PRMT9: variants seen among roughly 807,000 people sequenced by gnomAD.
PRMT9 encodes the protein protein arginine methyltransferase 9.
A neutral mutation model predicts 83.2 loss-of-function variants in PRMT9; 59 were observed. The ratio of observed to expected loss-of-function variants is 0.71; its 90% confidence interval spans 0.57 to 0.88. PRMT9 has a LOEUF of 0.88. Among genes scored for constraint, PRMT9 ranks in the 40% least tolerant of loss-of-function variants. The pLI, the probability that PRMT9 is intolerant of heterozygous loss-of-function variation, is 0.00. For missense variants in PRMT9, 947 were observed against 1,021.9 expected (o/e 0.93, Z 1.00); for synonymous variants, 333 against 353.2 (o/e 0.94, Z 0.64).
intron 9 of PRMT9, among the ~76,000 whole-genome samples, chr4:147,644,539 T>A (rs1051616879): frequency 8.9e-6 from 1 of 111,892 alleles, no homozygotes; most frequent in Admixed American, 1.0e-4. Flanking sequence ...TGCTTATGGT[T>A]AAAAAAAAAA....
intron 10 of PRMT9, among the ~76,000 whole-genome samples, chr4:147,640,246 T>C (rs1011321249): frequency 1.3e-5 from 2 of 151,750 alleles, no homozygotes; most frequent in East Asian, 3.9e-4. Context: ...CTAATATTTG[T>C]ATTTTTTGTA....
chr4:147,659,145 C>G (rs1413779571), intron 7 of PRMT9, among the ~76,000 whole-genome samples: 7 of 151,248 alleles, frequency 4.6e-5, no homozygotes, highest in Admixed American at 3.9e-4. Context: ...CGCCACTGCA[C>G]TCCAGCCTGG....
chr4:147,682,345 A>G (rs1354944749), intron 1 of PRMT9, among the ~76,000 whole-genome samples: 1 of 152,064 alleles, frequency 6.6e-6, no homozygotes, highest in East Asian at 1.9e-4. Flanking sequence ...ACGCCCAGCT[A>G]ATTTTGTACT....
Position 147,654,037 on chromosome 4 carries a change from G to T in PRMT9, c.1860C>A (p.Asp620Glu). Residue 620 changes from aspartate (D) to glutamate (E), a missense_variant, in exon 9 of 12, where the codon GAC becomes GAA. Transcript: ENST00000322396. Reference protein sequence around the residue: ...VEKDQHRIALDLISEANHFPK... With the variant: ...VEKDQHRIALELISEANHFPK... Reference sequence around the variant, plus strand: ...GAAAGTGATTGGCTTCAGATATGAGGTCCAGAGCAATACGATGCTGGTCTT... The same window carrying T: ...GAAAGTGATTGGCTTCAGATATGAGTTCCAGAGCAATACGATGCTGGTCTT... 1 of 1,614,208 alleles carries T rather than the reference G, an allele frequency of 6.2e-7. No individual in the cohort carries two copies. The highest frequency in any genetic ancestry group is 8.5e-7 in the Non-Finnish European group (1 of 1,180,032).
intron 9 of PRMT9, among the ~76,000 whole-genome samples, chr4:147,644,536 G>A (rs1733608824): frequency 1.9e-5 from 1 of 51,408 alleles, no homozygotes; most frequent in Admixed American, 3.4e-4. Flanking sequence ...CACTGCTTAT[G>A]GTTAAAAAAA....
At chr4:147,650,918 C>A (rs533254642) in intron 9 of PRMT9, among the ~76,000 whole-genome samples, 5 of 152,090 alleles carry the variant, frequency 3.3e-5, no homozygotes, top group South Asian at 4.1e-4. Context: ...CTGGCTAACA[C>A]GGTGAAACCC....
rs773631240 is a variant in PRMT9 at position 147,680,349 on chromosome 4, G to A, written c.312C>T (p.Cys104=). The A allele has an allele frequency of 9.9e-6, 16 of 1,613,986 alleles. No homozygotes were observed. In the East Asian group the frequency reaches 3.1e-4, roughly 31 times the overall value. ...TGAAGAGATGCTCCCCCATACTATT[G>A]CAAATCACTTCATCATCAGGAAACA... ...LELFPDDEVI[C]NSMGEHLFRM... The change falls in exon 2 of 12, where the codon TGC becomes TGT. Residue 104 remains cysteine (C), a synonymous_variant. Transcript: ENST00000322396.
At chr4:147,639,402 A>AGTTT (rs1733232828) in intron 10 of PRMT9, 2 of 281,636 alleles carry the variant, frequency 7.1e-6, no homozygotes, top group African/African-American at 2.2e-5. Context: ...TAAGCCAAAC[A>AGTTT]GCTCTAAAAT....
chr4:147,657,686 C>T, intron 8 of PRMT9, 106 bp downstream of exon 8: 1 of 818,620 alleles, frequency 1.2e-6, no homozygotes. Flanking sequence ...TAACCAACCT[C>T]CTTTGACTGA....
chr4:147,675,208 G>A (rs1282544550), intron 2 of PRMT9, among the ~76,000 whole-genome samples: 3 of 152,092 alleles, frequency 2.0e-5, no homozygotes, highest in Admixed American at 6.6e-5. Context: ...GCAAACTCCC[G>A]ACCTCAGGTG....
chr4:147,673,241 C>A, intron 3 of PRMT9, 115 bp from the exon 4 acceptor site: 1 of 845,936 alleles, frequency 1.2e-6, no homozygotes, highest in Non-Finnish European at 1.9e-6. Context: ...TTAACACAAC[C>A]ATTACTCACT....
At chr4:147,653,815 A>G in intron 9 of PRMT9, 37 bp downstream of exon 9, 1 of 1,520,096 alleles carries the variant, frequency 6.6e-7, no homozygotes, top group Non-Finnish European at 9.0e-7. Flanking sequence ...GACCTCAAAA[A>G]AAAAACAAAG....
intron 9 of PRMT9, among the ~76,000 whole-genome samples, chr4:147,650,844 T>C (rs1462071806): frequency 2.6e-5 from 4 of 152,168 alleles, no homozygotes; most frequent in African/African-American, 9.7e-5. Flanking sequence ...GGCTCATGCC[T>C]GTAATCCCAG....
chr4:147,646,281 C>G (rs1733721714), intron 9 of PRMT9, among the ~76,000 whole-genome samples: 1 of 152,156 alleles, frequency 6.6e-6, no homozygotes, highest in Admixed American at 6.6e-5. Flanking sequence ...ATCTAATTTT[C>G]TTCAAGATCA....
rs541842987 is a variant in PRMT9 at position 147,657,761 on chromosome 4, G to A, written c.1330+31C>T. On this transcript the variant is annotated intron_variant, in intron 8 of 11. Coordinates refer to ENST00000322396, the MANE Select transcript of PRMT9 (RefSeq NM_138364.4). ...TTGAATACTTAGAAGATTAAAGCAAGAGGTTAAAAAAAAAAATGGACAAGA... is the reference window on the plus strand; with the variant it reads ...TTGAATACTTAGAAGATTAAAGCAAAAGGTTAAAAAAAAAAATGGACAAGA... 43 of 1,561,542 alleles carry A rather than the reference G, an allele frequency of 2.8e-5. No individual in the cohort carries two copies. In the East Asian group the frequency reaches 6.3e-4, roughly 23 times the overall value.
At chr4:147,665,956 A>C (rs1227337866) in intron 6 of PRMT9, among the ~76,000 whole-genome samples, 1 of 152,226 alleles carries the variant, frequency 6.6e-6, no homozygotes, top group African/African-American at 2.4e-5. Flanking sequence ...ATTTATCAGG[A>C]TAGATTCCCA....
Position 147,673,655 on chromosome 4 carries a change from T to C in PRMT9, c.558A>G (p.Ala186=), listed in dbSNP as rs936024489. The change falls in exon 3 of 12, where the codon GCA becomes GCG. Residue 186 remains alanine, a synonymous_variant. Transcript: ENST00000322396. Reference sequence around the variant, plus strand: ...CTACCAACCTTAGTATTCCAGTTCCTGCTCCAATGTCCAAAACACTTTTGG... The same window carrying C: ...CTACCAACCTTAGTATTCCAGTTCCCGCTCCAATGTCCAAAACACTTTTGG... The part of the protein sequence containing the change: ...LGSKSVLDIG[A]GTGILSMFAK... 3.0e-5 allele frequency: 48 copies of C among 1,608,282 alleles called. No individual in the cohort carries two copies. In the Middle Eastern group the frequency reaches 8.2e-4, roughly 28 times the overall value.
intron 8 of PRMT9, among the ~76,000 whole-genome samples, chr4:147,656,771 C>CAAAAAAAAAAAAAAAAAAAAAAA (rs1023416920): frequency 8.3e-5 from 4 of 47,956 alleles, no homozygotes; most frequent in African/African-American, 1.0e-4. Flanking sequence ...GACTCTGTCT[C>CAAAAAAAAAAAAAAAAAAAAAAA]AAAAAAAAAA....
intron 6 of PRMT9, among the ~76,000 whole-genome samples, chr4:147,667,755 C>A (rs955419839): frequency 6.6e-6 from 1 of 152,062 alleles, no homozygotes; most frequent in African/African-American, 2.4e-5. Flanking sequence ...AAATTCCATC[C>A]AGCCCAACTA....
Sources: allele counts gnomAD v4.1 joint callset (sites outside exome capture counted in the v4.1 genomes callset), GRCh38; gene constraint gnomAD v4.1.1; transcripts MANE v1.5; gene names NCBI Gene and HGNC (gene_info 2026-07-23, HGNC 2026-07-21).